TANK: variants seen among roughly 807,000 people sequenced by gnomAD.
The protein encoded by TANK is TRAF family member associated NFKB activator.
In TANK, 15 loss-of-function variants were observed where a neutral mutation model predicts 43.6. That is an observed-to-expected ratio of 0.34 (90% CI 0.23 to 0.53). The LOEUF is 0.53. Among genes scored for constraint, TANK ranks in the 20% least tolerant of loss-of-function variants. The pLI, the probability that TANK is intolerant of heterozygous loss-of-function variation, is 0.94. For missense variants in TANK, 417 were observed against 498.6 expected (o/e 0.84, Z 1.56); for synonymous variants, 162 against 178.2 (o/e 0.91, Z 0.73).
At chr2:161,146,969 C>G (rs539955308) in intron 1 of TANK, among the ~76,000 whole-genome samples, 76 of 152,292 alleles carry the variant, frequency 5.0e-4, no homozygotes, top group African/African-American at 1.7e-3. Flanking sequence ...CACCCCTCCC[C>G]CTAGGGGCTC....
At chr2:161,141,154 A>C (rs1683735736) in intron 1 of TANK, among the ~76,000 whole-genome samples, 1 of 152,124 alleles carries the variant, frequency 6.6e-6, no homozygotes, top group African/African-American at 2.4e-5. Context: ...CACCACCTCT[A>C]TCTAGTTTCA....
At chr2:161,208,529 A>G (rs1686746046) in intron 4 of TANK, among the ~76,000 whole-genome samples, 1 of 152,106 alleles carries the variant, frequency 6.6e-6, no homozygotes, top group Non-Finnish European at 1.5e-5. Flanking sequence ...ACTTACCCCA[A>G]AACTTAGGGC....
chr2:161,212,861 G>A (rs1558999494), intron 4 of TANK: 4 of 754,244 alleles, frequency 5.3e-6, no homozygotes, highest in Non-Finnish European at 4.8e-6. Context: ...AGGAATACCT[G>A]AGGCTGGGGA....
chr2:161,212,645 G>A (rs1686942649), intron 4 of TANK: 2 of 985,186 alleles, frequency 2.0e-6, no homozygotes, highest in Non-Finnish European at 2.4e-6. Flanking sequence ...TCTCTAGTAT[G>A]GCTTTTCTCT....
intron 2 of TANK, chr2:161,200,550 T>C (rs1331092037): frequency 5.0e-5 from 49 of 983,726 alleles, no homozygotes; most frequent in Non-Finnish European, 5.9e-5. Context: ...TGTACTTTTT[T>C]CTGAATATGC....
At chr2:161,175,904 T>G (rs138036341) in intron 1 of TANK, among the ~76,000 whole-genome samples, 1 of 152,166 alleles carries the variant, frequency 6.6e-6, no homozygotes, top group Non-Finnish European at 1.5e-5. Context: ...AAGATTGGGT[T>G]GGTGATTTGC....
chr2:161,198,426 G>A (rs1450604771), intron 2 of TANK, among the ~76,000 whole-genome samples: 1 of 152,200 alleles, frequency 6.6e-6, no homozygotes, highest in East Asian at 1.9e-4. Flanking sequence ...ATGCCTTTGG[G>A]TCTCCCAGCC....
chr2:161,172,463 A>G (rs1684994188), intron 1 of TANK, among the ~76,000 whole-genome samples: 1 of 151,798 alleles, frequency 6.6e-6, no homozygotes, highest in Non-Finnish European at 1.5e-5. Flanking sequence ...AATACAAACA[A>G]TAGTGAAGGC....
upstream of TANK, among the ~76,000 whole-genome samples, chr2:161,158,872 A>C (rs935208869): frequency 1.3e-5 from 2 of 152,250 alleles, no homozygotes; most frequent in Non-Finnish European, 2.9e-5. Flanking sequence ...CAACCTGATT[A>C]AAAAATGGGC....
chr2:161,213,089 GAGTA>G (rs1686963636), intron 4 of TANK, among the ~76,000 whole-genome samples: 1 of 152,226 alleles, frequency 6.6e-6, no homozygotes, highest in Non-Finnish European at 1.5e-5. Context: ...GGGGCTAAAA[GAGTA>G]AGAACTCACT....
intron 1 of TANK, among the ~76,000 whole-genome samples, chr2:161,162,208 A>G (rs945927211): frequency 6.6e-6 from 1 of 152,106 alleles, no homozygotes; most frequent in Non-Finnish European, 1.5e-5. Flanking sequence ...TTCCTTTAAA[A>G]ATACCAATCT....
intron 2 of TANK, among the ~76,000 whole-genome samples, chr2:161,191,524 C>G (rs1685912787): frequency 6.6e-6 from 1 of 152,102 alleles, no homozygotes; most frequent in South Asian, 2.1e-4. Flanking sequence ...GTTATTTAAT[C>G]CTTGTATAAA....
At chr2:161,233,867 A>G (rs569961757) in intron 7 of TANK, among the ~76,000 whole-genome samples, 1 of 152,266 alleles carries the variant, frequency 6.6e-6, no homozygotes, top group East Asian at 1.9e-4. Flanking sequence ...TAAACTGAAA[A>G]CATTAAAATT....
intron 4 of TANK, among the ~76,000 whole-genome samples, chr2:161,215,421 G>T (rs748977942): frequency 2.6e-5 from 4 of 151,848 alleles, no homozygotes; most frequent in Admixed American, 6.6e-5. Flanking sequence ...ACTTTAAATC[G>T]TGATGCTTGT....
chr2:161,219,245 A>G (rs1054936990), intron 4 of TANK, among the ~76,000 whole-genome samples: 6 of 152,378 alleles, frequency 3.9e-5, no homozygotes, highest in African/African-American at 1.4e-4. Flanking sequence ...GTTTTATTGT[A>G]GCATTGAATC....
intron 2 of TANK, among the ~76,000 whole-genome samples, chr2:161,182,104 T>C (rs1331397085): frequency 6.6e-6 from 1 of 152,022 alleles, no homozygotes; most frequent in Non-Finnish European, 1.5e-5. Flanking sequence ...TCCATTCAGG[T>C]TTAAGGCATA....
chr2:161,201,391 G>T (rs540802560), intron 2 of TANK: 262 of 528,358 alleles, frequency 5.0e-4, no homozygotes, highest in South Asian at 1.8e-3. Context: ...TTCTGAGTTG[G>T]TTTCAAAAGA....
intron 4 of TANK, chr2:161,211,664 T>C (rs2105359442): frequency 1.9e-6 from 1 of 520,890 alleles, no homozygotes; most frequent in Non-Finnish European, 2.5e-6. Context: ...TGCATGTGTT[T>C]GTTACTCAAC....
intron 7 of TANK, among the ~76,000 whole-genome samples, chr2:161,233,422 T>TAA (rs986048903): frequency 6.6e-6 from 1 of 151,612 alleles, no homozygotes; most frequent in African/African-American, 2.4e-5. Context: ...ATTTTTTTTT[T>TAA]AAAAAAATCC....
Sources: gnomAD v4.1 joint callset for allele counts (sites outside exome capture counted in the v4.1 genomes callset) on GRCh38, gnomAD v4.1.1 for gene constraint, MANE v1.5 for transcripts, NCBI Gene and HGNC (gene_info 2026-07-23, HGNC 2026-07-21) for gene names.